Variants in MBTD1 observed in about 807,000 individuals in gnomAD.
MBTD1 encodes mbt domain containing 1, also known as MBT domain-containing protein 1.
Under a neutral mutation model 87.8 loss-of-function variants are expected in MBTD1, and 24 were observed. The ratio of observed to expected loss-of-function variants is 0.27; its 90% confidence interval spans 0.20 to 0.38. MBTD1 has a LOEUF of 0.38. Among genes scored for constraint, MBTD1 ranks in the 10% least tolerant of loss-of-function variants. The pLI, the probability that MBTD1 is intolerant of heterozygous loss-of-function variation, is 1.00. For synonymous variants in MBTD1, 237 were observed against 248.6 expected, an observed-to-expected ratio of 0.95 and a Z score of 0.44; for missense variants, 436 against 760.2, an observed-to-expected ratio of 0.57 and a Z score of 5.02.
rs938878257 is a variant in MBTD1, at chr17:51,203,191, T to C, written c.777A>G (p.Leu259=). 1.9e-6 allele frequency: 3 copies of C among 1,576,252 alleles called. No homozygotes were observed. The highest frequency in any genetic ancestry group is 2.6e-6 in the Non-Finnish European group (3 of 1,169,396). ...QHKYTNWKAF[L]VKRLTGAKTL... is the part of the protein sequence containing the mutation. ...TTTTGGCACCAGTAAGTCGTTTCAC[T>C]AGAAAAGCTTTCCAGTTTGTATATT... Residue 259 remains leucine (L), a synonymous_variant, in exon 9 of 17, where the codon CTA becomes CTG. Transcript: ENST00000586178.
At chr17:51,221,307 A>G (rs1448511202) in intron 3 of MBTD1, among the ~76,000 whole-genome samples, 1 of 152,160 alleles carries the variant, frequency 6.6e-6, no homozygotes, top group African/African-American at 2.4e-5. Context: ...CAAAAACAAA[A>G]AACAAAACAA....
intron 16 of MBTD1, chr17:51,185,888 G>A (rs2050513288): frequency 6.6e-6 from 1 of 152,502 alleles, no homozygotes; most frequent in Non-Finnish European, 1.5e-5. Flanking sequence ...CTAGTGAAAT[G>A]AATTCTTTAG....
chr17:51,225,049 T>C lies in MBTD1; in HGVS notation c.113A>G (p.Asn38Ser). The change falls in exon 3 of 17, where the codon AAT becomes AGT. Residue 38 changes from asparagine to serine, a missense_variant. Around this residue, in one of 5 missense-constraint regions of MBTD1, gnomAD observed 18 missense variants for 107.8 expected, o/e 0.17. Coordinates refer to ENST00000586178, the MANE Select transcript of MBTD1 (RefSeq NM_017643.3). Reference protein sequence around the residue: ...LPSNLPIIKNNGQVYTYPDGK... With the variant: ...LPSNLPIIKNSGQVYTYPDGK... ...ATCTGGGTATGTGTAGACTTGCCCA[T>C]TGTTTTTGATAATCGGGAGATTAGA... The C allele has an allele frequency of 1.9e-6, 3 of 1,551,442 alleles. No homozygotes were observed. The highest frequency in any genetic ancestry group is 2.6e-6 in the Non-Finnish European group (3 of 1,146,740).
intron 3 of MBTD1, among the ~76,000 whole-genome samples, chr17:51,222,894 G>A (rs1380895723): frequency 2.6e-5 from 4 of 151,348 alleles, no homozygotes; most frequent in African/African-American, 4.9e-5. Flanking sequence ...TCTGCCTCCT[G>A]GGTACAAGCA....
intron 2 of MBTD1, among the ~76,000 whole-genome samples, chr17:51,234,741 TG>T (rs1279740011): frequency 2.0e-5 from 3 of 152,356 alleles, no homozygotes; most frequent in Non-Finnish European, 4.4e-5. Context: ...TCGCCCAGGC[TG>T]GAGCGCAATG....
intron 2 of MBTD1, among the ~76,000 whole-genome samples, chr17:51,237,138 A>G (rs578171885): frequency 6.6e-6 from 1 of 152,144 alleles, no homozygotes; most frequent in South Asian, 2.1e-4. Flanking sequence ...CTCTACAAAA[A>G]TACAAAAATT....
intron 2 of MBTD1, among the ~76,000 whole-genome samples, chr17:51,227,687 C>T (rs1328620992): frequency 1.3e-5 from 2 of 152,166 alleles, no homozygotes; most frequent in Non-Finnish European, 2.9e-5. Context: ...CAGTGGCTCA[C>T]GCCTGTAATC....
chr17:51,182,432 T>C (rs1188023405), intron 16 of MBTD1, among the ~76,000 whole-genome samples: 2 of 152,202 alleles, frequency 1.3e-5, no homozygotes, highest in Non-Finnish European at 2.9e-5. Flanking sequence ...GGCCTCTTTA[T>C]ACATTTGAAT....
At chr17:51,255,576 G>A (rs2055038421) in intron 2 of MBTD1, among the ~76,000 whole-genome samples, 1 of 151,136 alleles carries the variant, frequency 6.6e-6, no homozygotes, top group African/African-American at 2.4e-5. Context: ...TAAAGTAATA[G>A]ATGATGATAA....
chr17:51,181,426 T>C (rs565281938), intron 16 of MBTD1, among the ~76,000 whole-genome samples: 10 of 151,772 alleles, frequency 6.6e-5, no homozygotes, highest in Non-Finnish European at 1.5e-4. Flanking sequence ...GGATGTAACA[T>C]ATATTTTTAA....
intron 2 of MBTD1, among the ~76,000 whole-genome samples, chr17:51,230,452 A>G (rs1257262876): frequency 6.6e-6 from 1 of 152,216 alleles, no homozygotes; most frequent in Non-Finnish European, 1.5e-5. Flanking sequence ...TGCAAAGCAG[A>G]CAAGATCCAT....
In MBTD1 at chr17:51,179,480, AATTTT is replaced by A. The variant is rs1427746070; in HGVS notation, c.*1091_*1095del. On this transcript the variant is annotated 3_prime_UTR_variant, in exon 17 of 17. Transcript: ENST00000586178. Reference sequence around the variant, plus strand: ...ATAAATCCTGAATACAATTAAAGACAATTTTATATATATATATATATATATATATA... The same window carrying A: ...ATAAATCCTGAATACAATTAAAGACAATATATATATATATATATATATATA... 6 of 83,838 alleles carry A rather than the reference AATTTT, an allele frequency of 7.2e-5. No individual in the cohort carries two copies. The highest frequency in any genetic ancestry group is 2.2e-4 in the African/African-American group (4 of 18,198). The allele number at this position is 83,838 out of a possible 1,614,324, so 5.2% of individuals were successfully genotyped here.
intron 2 of MBTD1, among the ~76,000 whole-genome samples, chr17:51,255,818 G>T (rs1313127976): frequency 6.6e-6 from 1 of 152,010 alleles, no homozygotes; most frequent in Non-Finnish European, 1.5e-5. Flanking sequence ...GGCTGATCTT[G>T]AACTCCTGGG....
At chr17:51,199,197 C>T (rs1332693723) in intron 12 of MBTD1, among the ~76,000 whole-genome samples, 2 of 151,980 alleles carry the variant, frequency 1.3e-5, no homozygotes, top group Non-Finnish European at 2.9e-5. Flanking sequence ...GTCTTGGGTT[C>T]AAGCATTCTC....
intron 10 of MBTD1, among the ~76,000 whole-genome samples, chr17:51,202,451 A>G (rs955147228): frequency 1.3e-4 from 20 of 152,252 alleles, no homozygotes; most frequent in Non-Finnish European, 2.6e-4. Flanking sequence ...TGGGCTGAAT[A>G]ATAAAAGAAA....
At chr17:51,251,650 A>G (rs1044912643) in intron 2 of MBTD1, 13 of 152,204 alleles carry the variant, frequency 8.5e-5, no homozygotes, top group African/African-American at 3.1e-4. Flanking sequence ...GAGCAGTTGG[A>G]ATTTGGTTTA....
chr17:51,231,400 G>A lies in MBTD1; in HGVS notation c.-48-6191C>T, dbSNP rs140917536. Among the ~76,000 whole-genome samples the A allele has an allele frequency of 5.2e-3, 784 of 151,998 alleles. 5 individuals carry two copies. Among genetic ancestry groups the A allele is most frequent in the South Asian group, 0.016 (79 of 4,818 alleles). On this transcript the variant is annotated intron_variant, in intron 2 of 16. Transcript: ENST00000586178. ...AGCCTTAAAATTTCAGGAGGTCAAT[G>A]ACTACAGATATTTTGTTTTCAATAA...
Position 51,219,117 on chromosome 17 carries a change from A to T in MBTD1, c.289-73T>A, listed in dbSNP as rs897374771. 13 of 732,386 alleles carry T rather than the reference A, an allele frequency of 1.8e-5. No homozygotes were observed. The African/African-American group carries it at 2.3e-4, about 13-fold the overall frequency. 45.4% of individuals were successfully genotyped at this position (732,386 alleles called of 1,614,324 possible). A position where few individuals can be genotyped will look rare whatever the true frequency, so the allele number is the denominator to read the frequency against. On this transcript the variant is annotated intron_variant, in intron 4 of 16. Transcript: ENST00000586178. The stretch of plus-strand genomic sequence containing the variant: ...CCACCACAATTTAACTGGACTGCAT[A>T]CTACACATTCTGCTTAAGTAAACAT...
intron 7 of MBTD1, among the ~76,000 whole-genome samples, chr17:51,206,564 C>T (rs1402140974): frequency 6.6e-6 from 1 of 152,130 alleles, no homozygotes; most frequent in African/African-American, 2.4e-5. Flanking sequence ...AAGGATATTT[C>T]ATGATACATA....
Sources: gnomAD v4.1 joint callset for allele counts (sites outside exome capture counted in the v4.1 genomes callset) on GRCh38, gnomAD v4.1.1 for gene constraint, gnomAD v4.1.1 regional missense constraint, MANE v1.5 for transcripts, NCBI Gene and HGNC (gene_info 2026-07-23, HGNC 2026-07-21) for gene names.